The following THOC1 variants were observed in gnomAD, a reference collection of about 807,000 sequenced individuals.
THOC1 encodes the protein THO complex subunit 1.
In THOC1, 29 loss-of-function variants were observed where a neutral mutation model predicts 97.3. The observed-to-expected ratio is 0.30, with a 90% CI of 0.22 to 0.41. The LOEUF (loss-of-function observed/expected upper bound fraction) is 0.41. Ranked by LOEUF, THOC1 falls within the 10% of genes least tolerant of loss-of-function variation. The pLI is 1.00. For synonymous variants in THOC1, 255 were observed against 257.0 expected, an observed-to-expected ratio of 0.99 and a Z score of 0.07; for missense variants, 529 against 761.9, an observed-to-expected ratio of 0.69 and a Z score of 3.60.
At chr18:220,617 G>A (rs1348123399) in intron 17 of THOC1, among the ~76,000 whole-genome samples, 1 of 152,128 alleles carries the variant, frequency 6.6e-6, no homozygotes, top group Non-Finnish European at 1.5e-5. Flanking sequence ...ACTGCTTGCT[G>A]TAGTTTTTAA....
rs76589874 is a variant in THOC1, at chr18:246,272, A to G, written c.918+52T>C. On this transcript the variant is annotated intron_variant, in intron 11 of 20. Coordinates refer to ENST00000261600, the MANE Select transcript of THOC1 (RefSeq NM_005131.3). The stretch of plus-strand genomic sequence containing the variant: ...TTAGAAAGGCTGTCAGCTAAACGGA[A>G]ATAAAACAAGACCATTTCTTATTAT... 7.4e-6 allele frequency: 10 copies of G among 1,357,432 alleles called. No individual in the cohort carries two copies. The East Asian group carries it at 2.4e-4, about 33-fold the overall frequency. The allele number at this position is 1,357,432 out of a possible 1,614,324, so 84.1% of individuals were successfully genotyped here. A position where few individuals can be genotyped will look rare whatever the true frequency, so the allele number is the denominator to read the frequency against.
At position 214,769 on chromosome 18, in the gene THOC1, T is replaced by G. The variant is rs767468917; in HGVS notation, c.1831A>C (p.Met611Leu). 1 of 1,613,966 alleles carries G rather than the reference T, an allele frequency of 6.2e-7. No homozygotes were observed. The highest frequency in any genetic ancestry group is 8.5e-7 in the Non-Finnish European group (1 of 1,179,862). The change falls in exon 21 of 21, where the codon ATG (methionine) becomes CTG (leucine). Residue 611 changes from methionine to leucine, a missense_variant. By Grantham distance (15) the Met-to-Leu change is conservative. Around this residue, in one of 8 missense-constraint regions of THOC1, gnomAD observed 98 missense variants for 111.9 expected, o/e 0.88. Transcript: ENST00000261600. ...QIECDSEDMK[M>L]RAKQLLVAWQ... is the part of the protein sequence containing the mutation. The stretch of plus-strand genomic sequence containing the variant: ...GCAACCAGGAGCTGCTTAGCTCTCA[T>G]CTTCATGTCTTCACTGTCACACTCA...
At chr18:223,619 T>A (rs543809473) in intron 16 of THOC1, 114 bp from the exon 17 acceptor site, 1 of 784,094 alleles carries the variant, frequency 1.3e-6, no homozygotes, top group Non-Finnish European at 2.0e-6. Flanking sequence ...ATGTTGACAG[T>A]ATGAGTTTTA....
chr18:241,581 T>C (rs1007197221), intron 11 of THOC1, among the ~76,000 whole-genome samples: 17 of 152,314 alleles, frequency 1.1e-4, no homozygotes, highest in African/African-American at 3.8e-4. Flanking sequence ...ATTTTGGTCA[T>C]TGAGTCTCAG....
intron 7 of THOC1, among the ~76,000 whole-genome samples, chr18:256,206 T>C (rs1363811022): frequency 6.6e-6 from 1 of 152,176 alleles, no homozygotes; most frequent in South Asian, 2.1e-4. Context: ...AGCTACATAG[T>C]GATTTTTTTA....
Position 225,116 on chromosome 18 carries a change from A to G in THOC1, c.1110T>C (p.Asp370=), listed in dbSNP as rs183259365. ...VYQLLSENPP[D]GERFSKMVEH... The stretch of plus-strand genomic sequence containing the variant: ...CTACCATCTTTGAAAATCTTTCTCC[A>G]TCGGGGGGGTTTTCAGATAGTAGCT... Residue 370 remains aspartate, a synonymous_variant, in exon 14 of 21, where the codon GAT becomes GAC. Transcript: ENST00000261600. 32 of 1,577,568 alleles carry G rather than the reference A, an allele frequency of 2.0e-5. No individual in the cohort carries two copies. In the Admixed American group the frequency reaches 4.4e-4, roughly 22 times the overall value.
chr18:221,660 G>C (rs1319469939), intron 17 of THOC1, among the ~76,000 whole-genome samples: 3 of 141,590 alleles, frequency 2.1e-5, no homozygotes, highest in Non-Finnish European at 3.0e-5. Flanking sequence ...CCAGGCTGGA[G>C]TGCAGTGGTG....
At chr18:219,670 CATATA>C (rs932427224) in intron 17 of THOC1, among the ~76,000 whole-genome samples, 4 of 152,038 alleles carry the variant, frequency 2.6e-5, no homozygotes, top group Non-Finnish European at 5.9e-5. Flanking sequence ...GTATTTACTA[CATATA>C]ATATTATATA....
intron 9 of THOC1, among the ~76,000 whole-genome samples, chr18:248,750 T>C (rs550435050): frequency 6.6e-6 from 1 of 152,224 alleles, no homozygotes; most frequent in African/African-American, 2.4e-5. Flanking sequence ...ACATATTCTT[T>C]TAATTTAAAT....
At chr18:260,056 AT>A in intron 5 of THOC1, 129 bp downstream of exon 5, 1 of 613,636 alleles carries the variant, frequency 1.6e-6, no homozygotes. Context: ...GCAGTATATA[AT>A]TTTTTCATAG....
In THOC1 at chr18:226,701, C is replaced by G. The variant is rs927386939; in HGVS notation, c.1019+100G>C. 22 of 791,832 alleles carry G rather than the reference C, an allele frequency of 2.8e-5. No individual in the cohort carries two copies. The African/African-American group carries it at 3.8e-4, about 14-fold the overall frequency. The allele number at this position is 791,832 out of a possible 1,614,324, so 49.1% of individuals were successfully genotyped here. A position where few individuals can be genotyped will look rare whatever the true frequency, so the allele number is the denominator to read the frequency against. On this transcript the variant is annotated intron_variant, in intron 12 of 20. Coordinates refer to ENST00000261600, the MANE Select transcript of THOC1 (RefSeq NM_005131.3). ...CAATACATGTGTTTTAGGGATACAG[C>G]CTTAACATGAAATGGACACATACAT... is the stretch of plus-strand genomic sequence containing the variant.
At chr18:224,211 A>T in intron 15 of THOC1, 32 bp from the exon 16 acceptor site, 1 of 1,393,442 alleles carries the variant, frequency 7.2e-7, no homozygotes, top group East Asian at 2.3e-5. Flanking sequence ...CTATTTTTTG[A>T]ATTACAAATG....
At chr18:238,343 C>T (rs1911781029) in intron 11 of THOC1, among the ~76,000 whole-genome samples, 1 of 152,144 alleles carries the variant, frequency 6.6e-6, no homozygotes, top group Admixed American at 6.5e-5. Context: ...AAAAAGGTAA[C>T]CTGAAGATAC....
At chr18:231,025 T>C (rs1292510652) in intron 11 of THOC1, among the ~76,000 whole-genome samples, 1 of 152,244 alleles carries the variant, frequency 6.6e-6, no homozygotes, top group African/African-American at 2.4e-5. Context: ...GTGCTGGGAT[T>C]ACAGGTGTAG....
At chr18:236,988 G>C (rs1270013958) in intron 11 of THOC1, among the ~76,000 whole-genome samples, 1 of 151,856 alleles carries the variant, frequency 6.6e-6, no homozygotes, top group African/African-American at 2.4e-5. Context: ...TCAGGGAGTA[G>C]GCAAGAGGGT....
At chr18:245,444 T>C (rs1912057117) in intron 11 of THOC1, 1 of 152,202 alleles carries the variant, frequency 6.6e-6, no homozygotes, top group African/African-American at 2.4e-5. Context: ...GCATATCACA[T>C]ATCTGGTCAC....
chr18:249,371 T>A (rs1298299796), intron 9 of THOC1, among the ~76,000 whole-genome samples: 2 of 152,006 alleles, frequency 1.3e-5, no homozygotes, highest in Non-Finnish European at 2.9e-5. Flanking sequence ...ATTGGGTTTT[T>A]AAAAAAAGCC....
chr18:216,488 G>A lies in THOC1; in HGVS notation c.1600C>T (p.Pro534Ser). Residue 534 changes from proline (P) to serine (S), a missense_variant and splice_region_variant, in exon 19 of 21, where the codon CCG (proline) becomes TCG (serine). This residue lies in a region of THOC1 where 27 missense variants were observed against 80.6 expected (regional missense o/e 0.33). Transcript: ENST00000261600. ...NMVIKLAKELPPPSEEIKTGE... is the reference protein window; with the variant it reads ...NMVIKLAKELSPPSEEIKTGE... ...AAAAGTTGATCTATGGTACTTACCG[G>A]TAATTCCTTGGCTAGCTTTATTACC... 2 of 1,613,642 alleles carry A rather than the reference G, an allele frequency of 1.2e-6. No individual in the cohort carries two copies. The highest frequency in any genetic ancestry group is 1.7e-4 in the Middle Eastern group (1 of 6,052).
intron 1 of THOC1, among the ~76,000 whole-genome samples, chr18:267,691 C>T (rs957928022): frequency 6.6e-6 from 1 of 152,224 alleles, no homozygotes; most frequent in African/African-American, 2.4e-5. Context: ...CAGCAGTAGT[C>T]TGCAGGTGGG....
Sources: gnomAD v4.1 joint callset for allele counts (sites outside exome capture counted in the v4.1 genomes callset) on GRCh38, gnomAD v4.1.1 for gene constraint, gnomAD v4.1.1 regional missense constraint, MANE v1.5 for transcripts, NCBI Gene and HGNC (gene_info 2026-07-23, HGNC 2026-07-21) for gene names.